The following ABHD5 variants were observed in gnomAD, a reference collection of about 807,000 sequenced individuals.
The protein encoded by ABHD5 is abhydrolase domain containing 5, lysophosphatidic acid acyltransferase.
Under a neutral mutation model 44.9 loss-of-function variants are expected in ABHD5, and 30 were observed. The ratio of observed to expected loss-of-function variants is 0.67; its 90% CI spans 0.50 to 0.91. The LOEUF is 0.91. Among genes scored for constraint, ABHD5 ranks in the 40% least tolerant of loss-of-function variants. The pLI, the probability that ABHD5 is intolerant of heterozygous loss-of-function variation, is 0.00. For missense variants in ABHD5, 399 were observed against 423.4 expected (o/e 0.94, Z 0.50); for synonymous variants, 167 against 147.0 (o/e 1.14, Z -0.99).
rs1012685351 is a variant in ABHD5, at chr3:43,721,157, A to G, written c.*2625A>G. The G allele has an allele frequency of 1.3e-5, 2 of 152,196 alleles. No homozygotes were observed. Among genetic ancestry groups the G allele is most frequent in the African/African-American group, 4.8e-5 (2 of 41,454 alleles). 9.4% of individuals were successfully genotyped at this position (152,196 alleles called of 1,614,324 possible). On this transcript the variant is annotated 3_prime_UTR_variant, in exon 7 of 7. Transcript: ENST00000644371. ...TAATGTTTACAATATGAGAAAGTCT[A>G]GGAATTTAGTACATGATAAAGCATC...
chr3:43,696,597 A>G (rs2084476573), intron 1 of ABHD5, among the ~76,000 whole-genome samples: 1 of 152,192 alleles, frequency 6.6e-6, no homozygotes, highest in South Asian at 2.1e-4. Context: ...AGAGGTTGCA[A>G]GGTAAGGTAT....
Position 43,702,236 on chromosome 3 carries a change from A to G in ABHD5, c.155A>G (p.Lys52Arg). 1 of 1,589,414 alleles carries G rather than the reference A, an allele frequency of 6.3e-7. No individual in the cohort carries two copies. The highest frequency in any genetic ancestry group is 8.6e-7 in the Non-Finnish European group (1 of 1,164,822). ...MLKCVPCTYK[K>R]EPVRISNGNK... ...TTAGGTGTGCCTTGCACATACAAAA[A>G]AGAACCTGTTCGTATATCTAATGGA... Residue 52 changes from lysine (K) to arginine (R), a missense_variant, in exon 3 of 7, where the codon AAA (lysine) becomes AGA (arginine). Lys to Arg is a conservative substitution (Grantham distance 26, BLOSUM62 2). Coordinates refer to ENST00000644371, the MANE Select transcript of ABHD5 (RefSeq NM_016006.6).
chr3:43,691,158 T>G, intron 1 of ABHD5, 119 bp downstream of exon 1: 5 of 1,038,026 alleles, frequency 4.8e-6, no homozygotes, highest in Non-Finnish European at 6.3e-6. Context: ...GACGGGCGGC[T>G]TCCTCGACCC....
intron 3 of ABHD5, among the ~76,000 whole-genome samples, 197 bp from the exon 4 acceptor site, chr3:43,711,512 A>G (rs2084687909): frequency 1.3e-5 from 2 of 152,244 alleles, no homozygotes. Flanking sequence ...TCTTTCTACC[A>G]TACACCTCTT....
chr3:43,714,129 CT>C (rs968534984), intron 4 of ABHD5, among the ~76,000 whole-genome samples: 6 of 146,308 alleles, frequency 4.1e-5, no homozygotes, highest in African/African-American at 1.3e-4. Flanking sequence ...TTCTTTCTTT[CT>C]TTTTTTCTTT....
At chr3:43,730,050 T>A (rs1053622580) in intron 7 of ABHD5, among the ~76,000 whole-genome samples, 2 of 152,252 alleles carry the variant, frequency 1.3e-5, no homozygotes, top group African/African-American at 4.8e-5. Context: ...TAAATTCTGT[T>A]CATCTTTTAT....
rs1015410677 is a variant in ABHD5, at chr3:43,714,825, C to T, written c.662-122C>T. 192 of 650,466 alleles carry T rather than the reference C, an allele frequency of 3.0e-4. 1 individual carries two copies. The African/African-American group carries it at 3.2e-3, about 11-fold the overall frequency. The allele number at this position is 650,466 out of a possible 1,614,324, so 40.3% of individuals were successfully genotyped here. A position where few individuals can be genotyped will look rare whatever the true frequency, so the allele number is the denominator to read the frequency against. On this transcript the variant is annotated intron_variant, in intron 4 of 6. Coordinates refer to ENST00000644371, the MANE Select transcript of ABHD5 (RefSeq NM_016006.6). The stretch of plus-strand genomic sequence containing the variant: ...CCCACCTACAATATATATTTGAATA[C>T]ATATATATATGTGTGCATATAACAC...
chr3:43,715,105 GTGTGTGTGTGTGTGTT>G, intron 5 of ABHD5, 47 bp downstream of exon 5: 1 of 1,184,502 alleles, frequency 8.4e-7, no homozygotes, highest in Non-Finnish European at 1.3e-6. Flanking sequence ...GTGTGTGTGT[GTGTGTGTGTGTGTGTT>G]TGTGTGTGTT....
At chr3:43,698,423 G>C (rs1281795288) in intron 1 of ABHD5, among the ~76,000 whole-genome samples, 1 of 151,966 alleles carries the variant, frequency 6.6e-6, no homozygotes, top group Non-Finnish European at 1.5e-5. Context: ...GCCATGCACC[G>C]AGCCCTTGCT....
intron 1 of ABHD5, chr3:43,691,291 C>T: frequency 2.8e-6 from 1 of 357,636 alleles, no homozygotes; most frequent in East Asian, 4.1e-5. Flanking sequence ...CGGGAGGCCG[C>T]CTTGACCCCG....
chr3:43,699,514 T>C, intron 2 of ABHD5, 153 bp downstream of exon 2: 2 of 785,644 alleles, frequency 2.5e-6, no homozygotes, highest in Non-Finnish European at 2.1e-6. Context: ...AGTACAGAAA[T>C]GAATGTCGGG....
At position 43,722,177 on chromosome 3, in the gene ABHD5, G is replaced by T. The variant is rs1189361217; in HGVS notation, c.*3645G>T. ...TCTAATAGCTACAGACTGGAAGCCAGCCAAATCTCCATTGATAGGGAATTG... is the reference window on the plus strand; with the variant it reads ...TCTAATAGCTACAGACTGGAAGCCATCCAAATCTCCATTGATAGGGAATTG... On this transcript the variant is annotated 3_prime_UTR_variant, in exon 7 of 7. Transcript: ENST00000644371. 1 of 152,230 alleles carries T rather than the reference G, an allele frequency of 6.6e-6. No individual in the cohort carries two copies. Among genetic ancestry groups the T allele is most frequent in the Non-Finnish European group, 1.5e-5 (1 of 68,042 alleles). 9.4% of individuals were successfully genotyped at this position (152,230 alleles called of 1,614,324 possible).
chr3:43,696,473 A>G (rs567785688), intron 1 of ABHD5, among the ~76,000 whole-genome samples: 1 of 152,312 alleles, frequency 6.6e-6, no homozygotes, highest in African/African-American at 2.4e-5. Context: ...GCAACACTGA[A>G]TGGCATAGGA....
Position 43,702,311 on chromosome 3 carries a change from C to T in ABHD5, c.230C>T (p.Pro77Leu), listed in dbSNP as rs1176576364. Residue 77 changes from proline (P) to leucine (L), a missense_variant, in exon 3 of 7, where the codon CCA becomes CTA. Pro to Leu is a moderately conservative substitution (Grantham distance 98, BLOSUM62 -3). Coordinates refer to ENST00000644371, the MANE Select transcript of ABHD5 (RefSeq NM_016006.6). ...TCTCATAATATTTCAAATAAGACTCCACTTGTCCTTCTCCATGGTTTTGGA... is the reference window on the plus strand; with the variant it reads ...TCTCATAATATTTCAAATAAGACTCTACTTGTCCTTCTCCATGGTTTTGGA... The part of the protein sequence containing the change: ...KFSHNISNKT[P>L]LVLLHGFGGG... 6.2e-7 allele frequency: 1 copy of T among 1,610,548 alleles called. No homozygotes were observed. The highest frequency in any genetic ancestry group is 8.5e-7 in the Non-Finnish European group (1 of 1,177,146).
In ABHD5 at chr3:43,730,797, C is replaced by T. The variant is rs376297518; in HGVS notation, c.*30-3083C>T. On this transcript the variant is annotated intron_variant, in intron 7 of 7. Transcript: ENST00000454293. The stretch of plus-strand genomic sequence containing the variant: ...TTGAGATTGCAGGCATGAGCCACTG[C>T]GCCTGGCCTAATCCATTTGTTTGTT... Among the ~76,000 whole-genome samples, 20 of 152,160 alleles carry T rather than the reference C, an allele frequency of 1.3e-4. 1 individual carries two copies. In the East Asian group the frequency reaches 2.3e-3, roughly 18 times the overall value.
At chr3:43,700,788 A>G (rs558011642) in intron 2 of ABHD5, among the ~76,000 whole-genome samples, 107 of 152,002 alleles carry the variant, frequency 7.0e-4, no homozygotes, top group African/African-American at 2.4e-3. Flanking sequence ...TGACCAGGCT[A>G]GTCTTGAACT....
At chr3:43,700,133 C>T (rs138106902) in intron 2 of ABHD5, among the ~76,000 whole-genome samples, 2 of 152,284 alleles carry the variant, frequency 1.3e-5, no homozygotes, top group East Asian at 3.9e-4. Flanking sequence ...TTGGACAAGT[C>T]ACTTTGCTCA....
At position 43,696,960 on chromosome 3, in the gene ABHD5, G is replaced by T. The variant is rs374870709; in HGVS notation, c.48-2316G>T. ...TTCTGTGAAAACCTGAAGAGAGTTG[G>T]TGCCTCTTCTTATGGTTGAAGATCC... On this transcript the variant is annotated intron_variant, in intron 1 of 6. Coordinates refer to ENST00000644371, the MANE Select transcript of ABHD5 (RefSeq NM_016006.6). 1.3e-4 allele frequency among the ~76,000 whole-genome samples: 20 copies of T among 152,238 alleles called. No homozygotes were observed. The East Asian group carries it at 3.7e-3, about 28-fold the overall frequency.
chr3:43,714,955 C>G lies in ABHD5; in HGVS notation c.670C>G (p.Leu224Val), dbSNP rs986393286. Reference sequence around the variant, plus strand: ...AATTTCCTGTTAAATAGGTTTAAGTCTAGTGCAGCGTTTAAGGCCTGATTT... The same window carrying G: ...AATTTCCTGTTAAATAGGTTTAAGTGTAGTGCAGCGTTTAAGGCCTGATTT... ...LRIAGPFGLSLVQRLRPDFKR... is the reference protein window; with the variant it reads ...LRIAGPFGLSVVQRLRPDFKR... The change falls in exon 5 of 7, where the codon CTA (leucine) becomes GTA (valine). Residue 224 changes from leucine to valine, a missense_variant. Physicochemically the swap from Leu to Val is conservative, Grantham distance 32. Coordinates refer to ENST00000644371, the MANE Select transcript of ABHD5 (RefSeq NM_016006.6). 6.2e-7 allele frequency: 1 copy of G among 1,611,618 alleles called. No homozygotes were observed. The highest frequency in any genetic ancestry group is 1.7e-5 in the Admixed American group (1 of 59,976).
Sources: gnomAD v4.1 joint callset for allele counts (sites outside exome capture counted in the v4.1 genomes callset) on GRCh38, gnomAD v4.1.1 for gene constraint, MANE v1.5 for transcripts, NCBI Gene and HGNC (gene_info 2026-07-23, HGNC 2026-07-21) for gene names.